MAGI2: variants seen among roughly 807,000 people sequenced by gnomAD.
MAGI2 encodes membrane-associated guanylate kinase, WW and PDZ domain-containing protein 2.
In MAGI2, 35 loss-of-function variants were observed where a neutral mutation model predicts 133.3. The ratio of observed to expected loss-of-function variants is 0.26; its 90% CI spans 0.20 to 0.35. The LOEUF is 0.35. MAGI2 is among the 10% of genes least tolerant of loss of function. The probability of loss-of-function intolerance (pLI) is 1.00; values close to 1 mark genes in which losing one functional copy is unlikely to be tolerated. For missense variants in MAGI2, 1,636 were observed against 1,863.4 expected (o/e 0.88, Z 2.25); for synonymous variants, 729 against 710.6 (o/e 1.03, Z -0.41).
chr7:78,226,580 C>T (rs1418537181), intron 10 of MAGI2, among the ~76,000 whole-genome samples: 1 of 152,116 alleles, frequency 6.6e-6, no homozygotes, highest in Non-Finnish European at 1.5e-5. Flanking sequence ...TTGCCTCGGC[C>T]TACGTGAATG....
At chr7:79,167,808 C>T (rs373288391) in intron 1 of MAGI2, among the ~76,000 whole-genome samples, 76 of 152,190 alleles carry the variant, frequency 5.0e-4, no homozygotes, top group African/African-American at 1.8e-3. Context: ...CATAAACTGG[C>T]CCCAAAACTG....
intron 1 of MAGI2, among the ~76,000 whole-genome samples, chr7:79,228,827 A>G (rs971375236): frequency 6.6e-6 from 1 of 152,156 alleles, no homozygotes; most frequent in Admixed American, 6.5e-5. Context: ...TCTAAATAAT[A>G]GTAAAAGTCC....
At chr7:78,895,670 AG>A (rs1797156503) in intron 2 of MAGI2, among the ~76,000 whole-genome samples, 1 of 152,150 alleles carries the variant, frequency 6.6e-6, no homozygotes, top group South Asian at 2.1e-4. Context: ...AAAGGCTCCA[AG>A]GGCTCGCTAT....
At chr7:79,302,518 G>A (rs1837465734) in intron 1 of MAGI2, among the ~76,000 whole-genome samples, 2 of 152,170 alleles carry the variant, frequency 1.3e-5, no homozygotes, top group East Asian at 1.9e-4. Context: ...GCCAGGGGCA[G>A]GGTGTGTGTA....
At chr7:78,806,652 G>A (rs1788600809) in intron 2 of MAGI2, among the ~76,000 whole-genome samples, 1 of 151,914 alleles carries the variant, frequency 6.6e-6, no homozygotes, top group African/African-American at 2.4e-5. Context: ...AATTGCGTGA[G>A]CCCCCAGGAG....
At chr7:78,441,820 C>T (rs1041202452) in intron 6 of MAGI2, among the ~76,000 whole-genome samples, 11 of 152,144 alleles carry the variant, frequency 7.2e-5, no homozygotes, top group African/African-American at 2.4e-4. Flanking sequence ...TTAACATTTC[C>T]GGTTAGATAT....
Position 78,471,161 on chromosome 7 carries a change from T to TAC in MAGI2, c.1045+18598_1045+18599dup, listed in dbSNP as rs1269015553. The stretch of plus-strand genomic sequence containing the variant: ...CAGTTCTATTCCATTAAGAAGACCA[T>TAC]ACATAGGATGATACCATCTGTTGAT... On this transcript the variant is annotated intron_variant, in intron 6 of 21. Coordinates refer to ENST00000354212, the MANE Select transcript of MAGI2 (RefSeq NM_012301.4). Among the ~76,000 whole-genome samples, 4 of 152,274 alleles carry TAC rather than the reference T, an allele frequency of 2.6e-5. No homozygotes were observed. The East Asian group carries it at 7.7e-4, about 29-fold the overall frequency.
chr7:78,031,283 T>C (rs1809541852), intron 21 of MAGI2, among the ~76,000 whole-genome samples: 1 of 152,172 alleles, frequency 6.6e-6, no homozygotes, highest in African/African-American at 2.4e-5. Flanking sequence ...TTAATTATGG[T>C]AGTGATGATA....
intron 2 of MAGI2, among the ~76,000 whole-genome samples, chr7:78,941,670 G>C (rs541647569): frequency 6.6e-6 from 1 of 150,468 alleles, no homozygotes; most frequent in South Asian, 2.1e-4. Flanking sequence ...CTATATCCCA[G>C]GGAAAAACCT....
intron 1 of MAGI2, among the ~76,000 whole-genome samples, chr7:79,443,806 C>T (rs1848654800): frequency 6.6e-6 from 1 of 152,130 alleles, no homozygotes; most frequent in Non-Finnish European, 1.5e-5. Context: ...CATCTTCAAA[C>T]ACAATGTAAT....
intron 1 of MAGI2, among the ~76,000 whole-genome samples, chr7:79,039,103 G>A (rs1811378552): frequency 6.6e-6 from 1 of 152,110 alleles, no homozygotes; most frequent in African/African-American, 2.4e-5. Context: ...GAGGTAATTA[G>A]ATCATGGGGC....
At chr7:78,477,296 T>C (rs1332743670) in intron 6 of MAGI2, among the ~76,000 whole-genome samples, 2 of 151,964 alleles carry the variant, frequency 1.3e-5, no homozygotes, top group African/African-American at 2.4e-5. Flanking sequence ...TTTTTAAAAA[T>C]TGTGAAGGCA....
intron 2 of MAGI2, among the ~76,000 whole-genome samples, chr7:78,644,135 A>C (rs1229975388): frequency 6.6e-6 from 1 of 152,158 alleles, no homozygotes; most frequent in Non-Finnish European, 1.5e-5. Context: ...GAAAAAAAAT[A>C]CTAAATGTTT....
chr7:78,295,108 T>C (rs1797099336), intron 9 of MAGI2, among the ~76,000 whole-genome samples: 1 of 152,160 alleles, frequency 6.6e-6, no homozygotes, highest in Admixed American at 6.6e-5. Context: ...CTATGACTTT[T>C]AGTTTTTTGT....
intron 2 of MAGI2, among the ~76,000 whole-genome samples, chr7:78,910,156 G>A (rs1218935316): frequency 1.3e-5 from 2 of 151,930 alleles, no homozygotes; most frequent in Non-Finnish European, 2.9e-5. Flanking sequence ...GCGAGGGGAG[G>A]GAACCTAGAT....
chr7:78,308,537 T>G (rs568467215), intron 9 of MAGI2, among the ~76,000 whole-genome samples: 49 of 152,192 alleles, frequency 3.2e-4, no homozygotes, highest in South Asian at 1.9e-3. Context: ...CTTTTTTTTT[T>G]TCTTTTTTTT....
rs1315297050 is a variant in MAGI2, at chr7:78,231,834, C to T, written c.2047+24109G>A. The stretch of plus-strand genomic sequence containing the variant: ...GGGAACTTAGGGTATGGTAGAAGTC[C>T]AGTCGTTGACTGAATAGCTGGACTT... On this transcript the variant is annotated intron_variant, in intron 10 of 21. Coordinates refer to ENST00000354212, the MANE Select transcript of MAGI2 (RefSeq NM_012301.4). Among the ~76,000 whole-genome samples, 5 of 152,264 alleles carry T rather than the reference C, an allele frequency of 3.3e-5. No individual in the cohort carries two copies. The South Asian group carries it at 6.2e-4, about 19-fold the overall frequency.
intron 2 of MAGI2, among the ~76,000 whole-genome samples, chr7:78,818,511 T>A (rs1320604842): frequency 6.6e-6 from 1 of 152,230 alleles, no homozygotes; most frequent in East Asian, 1.9e-4. Context: ...AAAGTAATTA[T>A]AAAATTCATT....
At chr7:79,451,038 A>T (rs1260831724) in intron 1 of MAGI2, among the ~76,000 whole-genome samples, 1 of 152,168 alleles carries the variant, frequency 6.6e-6, no homozygotes, top group Non-Finnish European at 1.5e-5. Flanking sequence ...TCTCCACGTT[A>T]AGTCTTTCCA....
Sources: gnomAD v4.1 joint callset for allele counts (sites outside exome capture counted in the v4.1 genomes callset) on GRCh38, gnomAD v4.1.1 for gene constraint, MANE v1.5 for transcripts, NCBI Gene and HGNC (gene_info 2026-07-23, HGNC 2026-07-21) for gene names.